The following CPT1A variants were observed in gnomAD, a reference collection of about 807,000 sequenced individuals.
CPT1A encodes carnitine O-palmitoyltransferase 1, liver isoform.
CPT1A carries 64 observed loss-of-function variants against 100.8 expected under a neutral mutation model. The ratio of observed to expected loss-of-function variants is 0.63; its 90% CI spans 0.52 to 0.78. The LOEUF (loss-of-function observed/expected upper bound fraction) is 0.78. Ranked by LOEUF, CPT1A falls within the 30% of genes least tolerant of loss-of-function variation. The pLI, the probability that CPT1A is intolerant of heterozygous loss-of-function variation, is 0.00. For missense variants in CPT1A, 802 were observed against 1,034.1 expected, an observed-to-expected ratio of 0.78 and a Z score of 3.08; for synonymous variants, 363 against 396.0, an observed-to-expected ratio of 0.92 and a Z score of 0.99.
In CPT1A at chr11:68,824,036, C is replaced by T. The variant is rs530203472; in HGVS notation, c.-13-8549G>A. Among the ~76,000 whole-genome samples the T allele has an allele frequency of 1.7e-4, 26 of 151,890 alleles. 1 individual carries two copies. Among genetic ancestry groups the T allele is most frequent in the Non-Finnish European group, 3.1e-4 (21 of 68,006 alleles). On this transcript the variant is annotated intron_variant, in intron 1 of 18. Transcript: ENST00000265641. ...CCGAGGTGGGCAGATCACCTGAGGT[C>T]AGGAGTTTGAGACCAGCCTGGACAA...
intron 12 of CPT1A, 122 bp downstream of exon 12, chr11:68,780,518 A>G (rs1267246071): frequency 2.0e-5 from 15 of 769,184 alleles, no homozygotes; most frequent in Middle Eastern, 2.8e-4. Context: ...TCCTGACCTC[A>G]GGTGATCTGC....
At chr11:68,766,549 G>A (rs561316823) in intron 14 of CPT1A, among the ~76,000 whole-genome samples, 3 of 151,942 alleles carry the variant, frequency 2.0e-5, no homozygotes, top group Admixed American at 6.6e-5. Flanking sequence ...GCAGTGGTGC[G>A]ATCTCAGCTC....
intron 1 of CPT1A, among the ~76,000 whole-genome samples, chr11:68,817,690 G>C (rs892226857): frequency 1.3e-5 from 2 of 150,444 alleles, no homozygotes; most frequent in African/African-American, 4.9e-5. Context: ...CAGGTGTCTG[G>C]GGTCAAGGGC....
intron 13 of CPT1A, chr11:68,773,698 G>A (rs563539023): frequency 1.1e-4 from 50 of 443,262 alleles, no homozygotes; most frequent in African/African-American, 8.6e-4. Context: ...AATATCACGC[G>A]ACCATCAGTG....
intron 14 of CPT1A, among the ~76,000 whole-genome samples, chr11:68,770,442 G>A (rs1455660050): frequency 2.0e-5 from 3 of 152,156 alleles, no homozygotes; most frequent in Non-Finnish European, 4.4e-5. Flanking sequence ...TCATCTGCTA[G>A]AGGCATCCTC....
chr11:68,760,778 C>T (rs1259126499), intron 16 of CPT1A, among the ~76,000 whole-genome samples: 5 of 152,260 alleles, frequency 3.3e-5, no homozygotes, highest in Middle Eastern at 3.4e-3. Context: ...TTTGGGAACC[C>T]GACGCGGGTG....
At chr11:68,805,949 G>A (rs564268446) in intron 4 of CPT1A, among the ~76,000 whole-genome samples, 2 of 152,110 alleles carry the variant, frequency 1.3e-5, no homozygotes, top group Non-Finnish European at 2.9e-5. Context: ...CCCCCCAGAC[G>A]GAGGCCTCGA....
chr11:68,823,836 T>TGATTGCATGGATGCAACTGGACAGTTGC (rs1255636927), intron 1 of CPT1A, among the ~76,000 whole-genome samples: 2 of 151,652 alleles, frequency 1.3e-5, no homozygotes, highest in Non-Finnish European at 2.9e-5. Flanking sequence ...CTTGCAGTAA[T>TGATTGCATGGATGCAACTGGACAGTTGC]ATGGATGCAA....
chr11:68,773,597 C>G, intron 13 of CPT1A, 168 bp from the exon 14 acceptor site: 1 of 1,263,134 alleles, frequency 7.9e-7, no homozygotes, highest in Non-Finnish European at 1.1e-6. Flanking sequence ...GGCATGGCTC[C>G]CTGACCCCGG....
At chr11:68,793,941 C>T (rs1052491056) in intron 8 of CPT1A, among the ~76,000 whole-genome samples, 1 of 152,168 alleles carries the variant, frequency 6.6e-6, no homozygotes, top group African/African-American at 2.4e-5. Context: ...TCCTAAATAA[C>T]ACATTCTAAT....
At chr11:68,768,688 G>A (rs980371373) in intron 14 of CPT1A, among the ~76,000 whole-genome samples, 1 of 151,984 alleles carries the variant, frequency 6.6e-6, no homozygotes, top group Non-Finnish European at 1.5e-5. Context: ...TTACAGGCAC[G>A]AGCCACTGCG....
In CPT1A at chr11:68,841,593, G is replaced by A. The variant is rs1006823646; in HGVS notation, c.-14+182C>T. On this transcript the variant is annotated intron_variant, in intron 1 of 18. Transcript: ENST00000265641. This position sits in a 1 kb window ranked among gnomAD's most constrained non-coding sequence, Gnocchi z 6.3. The stretch of plus-strand genomic sequence containing the variant: ...ATGGGGAGCCCCGGCCTCTTTCTGG[G>A]TTCAGGATCTCCACAACCCCGCCGT... 6.6e-6 allele frequency among the ~76,000 whole-genome samples: 1 copy of A among 152,148 alleles called. No homozygotes were observed. The highest frequency in any genetic ancestry group is 1.5e-5 in the Non-Finnish European group (1 of 68,004).
intron 14 of CPT1A, among the ~76,000 whole-genome samples, chr11:68,769,326 T>C (rs1854917195): frequency 6.6e-6 from 1 of 151,854 alleles, no homozygotes; most frequent in African/African-American, 2.4e-5. Flanking sequence ...AGCCTCCACC[T>C]CCGGGGCTCA....
chr11:68,769,707 G>A (rs1253343126), intron 14 of CPT1A, among the ~76,000 whole-genome samples: 4 of 152,110 alleles, frequency 2.6e-5, no homozygotes, highest in South Asian at 2.1e-4. Flanking sequence ...AACTGGGCAA[G>A]CTCCTCTCCT....
At chr11:68,801,976 T>C (rs1433207049) in intron 5 of CPT1A, among the ~76,000 whole-genome samples, 1 of 152,146 alleles carries the variant, frequency 6.6e-6, no homozygotes, top group African/African-American at 2.4e-5. Context: ...AGGGATGAAG[T>C]TCATCCATCC....
At position 68,788,107 on chromosome 11, in the gene CPT1A, C is replaced by T. The variant is rs942741807; in HGVS notation, c.968-3097G>A. 1.2e-4 allele frequency among the ~76,000 whole-genome samples: 18 copies of T among 152,200 alleles called. No individual in the cohort carries two copies. In the South Asian group the frequency reaches 3.1e-3, roughly 26 times the overall value. On this transcript the variant is annotated intron_variant, in intron 9 of 18. Coordinates refer to ENST00000265641, the MANE Select transcript of CPT1A (RefSeq NM_001876.4). ...CCAGCCTGCAGAATTGTGAGAAAAT[C>T]GCTGTCTTGCTTAAGCCGTGCAGTC...
Position 68,825,898 on chromosome 11 carries a change from G to A in CPT1A, c.-13-10411C>T, listed in dbSNP as rs186351148. Among the ~76,000 whole-genome samples, 962 of 152,266 alleles carry A rather than the reference G, an allele frequency of 6.3e-3. 12 individuals are homozygous for A. The highest frequency in any genetic ancestry group is 0.022 in the African/African-American group (903 of 41,534). ...AAAGCCGGGGGACTGCAGAAGACAC[G>A]GGCACCATGGCTTCACAGAGGCCAA... On this transcript the variant is annotated intron_variant, in intron 1 of 18. Transcript: ENST00000265641.
upstream of CPT1A, among the ~76,000 whole-genome samples, chr11:68,842,565 C>T (rs762045756): frequency 7.2e-5 from 11 of 152,222 alleles, no homozygotes; most frequent in Non-Finnish European, 1.6e-4. Flanking sequence ...AGCGTGGCTC[C>T]TCCTCATCTA....
At chr11:68,776,529 C>T (rs1855145163) in intron 12 of CPT1A, among the ~76,000 whole-genome samples, 1 of 152,178 alleles carries the variant, frequency 6.6e-6, no homozygotes, top group Non-Finnish European at 1.5e-5. Flanking sequence ...GATTAGTGGT[C>T]ATCAGGAACC....
Sources: gnomAD v4.1 joint callset for allele counts (sites outside exome capture counted in the v4.1 genomes callset) on GRCh38, gnomAD v4.1.1 for gene constraint, Gnocchi (gnomAD v3.1) non-coding constraint, MANE v1.5 for transcripts, NCBI Gene and HGNC (gene_info 2026-07-23, HGNC 2026-07-21) for gene names.